The following IGF1R variants were observed in gnomAD, a reference collection of about 807,000 sequenced individuals.
IGF1R encodes insulin-like growth factor 1 receptor.
A neutral mutation model predicts 144.6 loss-of-function variants in IGF1R; 44 were observed. That is an observed-to-expected ratio of 0.30 (90% confidence interval 0.24 to 0.39). IGF1R has a LOEUF of 0.39. IGF1R is among the 10% of genes least tolerant of loss of function. IGF1R has a pLI of 1.00. For missense variants in IGF1R, 1,355 were observed against 1,833.7 expected, an observed-to-expected ratio of 0.74 and a Z score of 4.77; for synonymous variants, 795 against 722.8, an observed-to-expected ratio of 1.10 and a Z score of -1.60.
chr15:98,765,054 A>G (rs1481619175), intron 2 of IGF1R, among the ~76,000 whole-genome samples: 2 of 152,230 alleles, frequency 1.3e-5, no homozygotes, highest in Non-Finnish European at 2.9e-5. Context: ...ATATAAATGC[A>G]GTTATATAAT....
rs1220402410 is a variant in IGF1R at position 98,702,869 on chromosome 15, C to T, written c.95-4693C>T. On this transcript the variant is annotated intron_variant, in intron 1 of 20. Transcript: ENST00000650285. ...GAAGGATTGCTTGAGCCCAGGAGGT[C>T]GAGGCTGCATTGAGCCACGATTGTG... is the stretch of plus-strand genomic sequence containing the variant. Among the ~76,000 whole-genome samples, 6 of 152,088 alleles carry T rather than the reference C, an allele frequency of 3.9e-5. No individual in the cohort carries two copies. In the South Asian group the frequency reaches 6.2e-4, roughly 16 times the overall value.
intron 18 of IGF1R, among the ~76,000 whole-genome samples, chr15:98,941,263 G>T (rs1333017864): frequency 6.6e-6 from 1 of 152,244 alleles, no homozygotes; most frequent in East Asian, 1.9e-4. Flanking sequence ...ACAGGGCAGG[G>T]CCTCTCCAGA....
At chr15:98,719,097 G>T (rs978994832) in intron 2 of IGF1R, among the ~76,000 whole-genome samples, 1 of 152,238 alleles carries the variant, frequency 6.6e-6, no homozygotes, top group African/African-American at 2.4e-5. Context: ...CAGTGAACTT[G>T]AAATGATTGG....
chr15:98,723,953 A>G (rs1190533539), intron 2 of IGF1R, among the ~76,000 whole-genome samples: 1 of 152,180 alleles, frequency 6.6e-6, no homozygotes, highest in African/African-American at 2.4e-5. Context: ...CAGAATTTGT[A>G]TTATGGCAGC....
At chr15:98,665,095 C>G (rs1239152610) in intron 1 of IGF1R, among the ~76,000 whole-genome samples, 2 of 151,920 alleles carry the variant, frequency 1.3e-5, no homozygotes, top group African/African-American at 2.4e-5. Flanking sequence ...GCAGCTGGGA[C>G]TACAGGCGTC....
rs1376586111 is a variant in IGF1R at position 98,704,550 on chromosome 15, G to A, written c.95-3012G>A. 6.6e-6 allele frequency among the ~76,000 whole-genome samples: 1 copy of A among 152,182 alleles called. No homozygotes were observed. Among genetic ancestry groups the A allele is most frequent in the Non-Finnish European group, 1.5e-5 (1 of 68,034 alleles). ...CCAAGCTGGAGTTGATAGTGGCTCA[G>A]ATCAGAGCTAAAGTAGTGGAGACAC... On this transcript the variant is annotated intron_variant, in intron 1 of 20. Transcript: ENST00000650285. This position sits in a 1 kb window ranked among gnomAD's most constrained non-coding sequence, Gnocchi z 4.9.
At chr15:98,897,553 ACTT>A (rs964008256) in intron 4 of IGF1R, 3 of 152,848 alleles carry the variant, frequency 2.0e-5, no homozygotes, top group African/African-American at 7.2e-5. Flanking sequence ...TGATCTCTTC[ACTT>A]CTTTGGTTTT....
intron 2 of IGF1R, among the ~76,000 whole-genome samples, chr15:98,780,588 A>T: frequency 7.1e-6 from 1 of 141,448 alleles, no homozygotes; most frequent in Admixed American, 7.1e-5. Flanking sequence ...GAGAGAGAGT[A>T]AATAAAATTG....
chr15:98,830,071 T>G (rs2056972281), intron 2 of IGF1R, among the ~76,000 whole-genome samples: 1 of 152,222 alleles, frequency 6.6e-6, no homozygotes, highest in Admixed American at 6.5e-5. Flanking sequence ...TTGTTGTTTG[T>G]CCCTGCTGTG....
At chr15:98,808,651 C>A (rs2056517438) in intron 2 of IGF1R, among the ~76,000 whole-genome samples, 1 of 149,158 alleles carries the variant, frequency 6.7e-6, no homozygotes, top group South Asian at 2.2e-4. Context: ...CGCAGGGACT[C>A]TAGGGCAGGT....
chr15:98,853,749 C>T (rs1192107827), intron 2 of IGF1R, among the ~76,000 whole-genome samples: 4 of 152,208 alleles, frequency 2.6e-5, no homozygotes, highest in African/African-American at 9.7e-5. Flanking sequence ...CGGTGCCCTG[C>T]GCCCCGTCTC....
intron 15 of IGF1R, among the ~76,000 whole-genome samples, chr15:98,933,226 C>G (rs952657225): frequency 1.3e-5 from 2 of 152,226 alleles, no homozygotes; most frequent in African/African-American, 4.8e-5. Context: ...CGTTTTTACC[C>G]TACCCATTTG....
intron 2 of IGF1R, among the ~76,000 whole-genome samples, chr15:98,779,224 C>A (rs1052434840): frequency 6.6e-6 from 1 of 152,192 alleles, no homozygotes; most frequent in Non-Finnish European, 1.5e-5. Context: ...TAAGTTTTCA[C>A]CTGTTATATA....
At chr15:98,767,154 T>C (rs1236778173) in intron 2 of IGF1R, among the ~76,000 whole-genome samples, 1 of 152,234 alleles carries the variant, frequency 6.6e-6, no homozygotes, top group Non-Finnish European at 1.5e-5. Context: ...CCTAGATCAT[T>C]ATTTTTAGTT....
At chr15:98,701,864 T>C (rs1304675022) in intron 1 of IGF1R, among the ~76,000 whole-genome samples, 3 of 152,150 alleles carry the variant, frequency 2.0e-5, no homozygotes, top group Admixed American at 2.0e-4. Context: ...TAAAAGGTAT[T>C]ACTGTTTGCA....
Position 98,696,695 on chromosome 15 carries a change from C to G in IGF1R, c.95-10867C>G, listed in dbSNP as rs755114149. Among the ~76,000 whole-genome samples the G allele has an allele frequency of 1.6e-4, 25 of 152,150 alleles. 1 individual carries two copies. Among genetic ancestry groups the G allele is most frequent in the Non-Finnish European group, 2.6e-4 (18 of 68,024 alleles). ...TGTTACTACCAGGGGGCTTGAGTGT[C>G]GGGCTATGATTGGCTGTCATCTGGA... On this transcript the variant is annotated intron_variant, in intron 1 of 20. Transcript: ENST00000650285.
chr15:98,829,202 C>G (rs1331823898), intron 2 of IGF1R, among the ~76,000 whole-genome samples: 4 of 152,188 alleles, frequency 2.6e-5, no homozygotes, highest in African/African-American at 9.7e-5. Context: ...TGGCAGAAGA[C>G]TATTTTTGCT....
At chr15:98,924,426 A>G (rs924707079) in intron 12 of IGF1R, 99 bp from the exon 13 acceptor site, 47 of 1,099,906 alleles carry the variant, frequency 4.3e-5, no homozygotes, top group Non-Finnish European at 6.0e-5. Context: ...GGGAGGTCAG[A>G]TCAGGCAGCT....
chr15:98,661,766 C>T (rs934412742), intron 1 of IGF1R, among the ~76,000 whole-genome samples: 1 of 152,110 alleles, frequency 6.6e-6, no homozygotes. Flanking sequence ...GCAGGGATGC[C>T]AATGAGAATT....
Sources: gnomAD v4.1 joint callset for allele counts (sites outside exome capture counted in the v4.1 genomes callset) on GRCh38, gnomAD v4.1.1 for gene constraint, Gnocchi (gnomAD v3.1) non-coding constraint, MANE v1.5 for transcripts, NCBI Gene and HGNC (gene_info 2026-07-23, HGNC 2026-07-21) for gene names.